Variants in NDRG3 observed in about 807,000 individuals in gnomAD.
The protein encoded by NDRG3 is protein NDRG3.
A neutral mutation model predicts 57.2 loss-of-function variants in NDRG3; 23 were observed. The ratio of observed to expected loss-of-function variants is 0.40; its 90% CI spans 0.29 to 0.57. The LOEUF (loss-of-function observed/expected upper bound fraction) is 0.57. Among genes scored for constraint, NDRG3 ranks in the 20% least tolerant of loss-of-function variants. NDRG3 has a pLI of 0.42. For missense variants in NDRG3, 384 were observed against 457.3 expected (o/e 0.84, Z 1.46); for synonymous variants, 132 against 162.6 (o/e 0.81, Z 1.43).
intron 3 of NDRG3, among the ~76,000 whole-genome samples, chr20:36,691,978 AAC>A (rs1164843818): frequency 6.6e-6 from 1 of 152,216 alleles, no homozygotes; most frequent in Admixed American, 6.5e-5. Flanking sequence ...GCACACAATA[AAC>A]ACAGAAACAA....
At chr20:36,669,976 G>A (rs1980007455) in intron 9 of NDRG3, among the ~76,000 whole-genome samples, 1 of 152,196 alleles carries the variant, frequency 6.6e-6, no homozygotes, top group Non-Finnish European at 1.5e-5. Context: ...CACATGGAAT[G>A]ACATGGATGA....
At chr20:36,735,439 C>G (rs1366414629) in intron 1 of NDRG3, among the ~76,000 whole-genome samples, 2 of 152,154 alleles carry the variant, frequency 1.3e-5, no homozygotes, top group Non-Finnish European at 2.9e-5. Flanking sequence ...GATACTCAAC[C>G]TGTATTTCCA....
At chr20:36,723,227 C>T (rs914422771) in intron 1 of NDRG3, among the ~76,000 whole-genome samples, 1 of 152,110 alleles carries the variant, frequency 6.6e-6, no homozygotes, top group South Asian at 2.1e-4. Context: ...AGAACTAATA[C>T]ATAGGGAGAG....
In NDRG3 at chr20:36,713,183, G is replaced by C. The variant is rs1984024432; in HGVS notation, c.58-6176C>G. On this transcript the variant is annotated intron_variant, in intron 2 of 15. Transcript: ENST00000349004. ...CTTAAGCAGCAGAAAGGGATTCAAG[G>C]AAAAAATTAAAACAACAGAATAATT... 2.0e-5 allele frequency among the ~76,000 whole-genome samples: 3 copies of C among 151,928 alleles called. No individual in the cohort carries two copies. In the South Asian group the frequency reaches 6.2e-4, roughly 32 times the overall value.
intron 1 of NDRG3, among the ~76,000 whole-genome samples, chr20:36,736,127 G>A (rs1985599094): frequency 6.6e-6 from 1 of 152,120 alleles, no homozygotes; most frequent in African/African-American, 2.4e-5. Context: ...TTTCTGAGGA[G>A]CAGAATGACA....
intron 1 of NDRG3, among the ~76,000 whole-genome samples, chr20:36,733,171 A>AAAAT (rs1555807709): frequency 5.7e-4 from 19 of 33,210 alleles, no homozygotes; most frequent in South Asian, 1.2e-3. Flanking sequence ...AAAAAAAAAA[A>AAAAT]ATATATATAT....
At chr20:36,688,619 G>T in intron 4 of NDRG3, 60 bp downstream of exon 4, 1 of 1,273,054 alleles carries the variant, frequency 7.9e-7, no homozygotes, top group Non-Finnish European at 1.1e-6. Context: ...TTGTTGTTTG[G>T]TTTTTAACAT....
At chr20:36,740,535 C>T (rs1985877882) in intron 1 of NDRG3, among the ~76,000 whole-genome samples, 1 of 152,178 alleles carries the variant, frequency 6.6e-6, no homozygotes, top group South Asian at 2.1e-4. Flanking sequence ...TTAGTAGAGA[C>T]AGTTTGCCAT....
rs1417665448 is a variant in NDRG3, at chr20:36,721,745, T to C, written c.-10A>G. ...CCTGAAGTTCATCCATGAGGTCAGA[T>C]AACGAGAGTAGAGGAATCTCAAGAA... On this transcript the variant is annotated 5_prime_UTR_variant, in exon 2 of 16. Transcript: ENST00000349004. The C allele has an allele frequency of 2.5e-6, 4 of 1,595,526 alleles. No individual in the cohort carries two copies. The highest frequency in any genetic ancestry group is 3.4e-6 in the Non-Finnish European group (4 of 1,164,426).
intron 3 of NDRG3, among the ~76,000 whole-genome samples, chr20:36,696,795 C>T (rs935098922): frequency 3.9e-5 from 6 of 152,096 alleles, no homozygotes; most frequent in Non-Finnish European, 7.4e-5. Context: ...CCGGCCGCCT[C>T]TGGCCTTTTC....
At chr20:36,712,723 G>A (rs182038136) in intron 2 of NDRG3, among the ~76,000 whole-genome samples, 1 of 147,352 alleles carries the variant, frequency 6.8e-6, no homozygotes, top group Non-Finnish European at 1.5e-5. Context: ...AGCCTCCAGA[G>A]TAGCTGGGAT....
chr20:36,716,511 C>T (rs1984285906), intron 2 of NDRG3, among the ~76,000 whole-genome samples: 6 of 136,662 alleles, frequency 4.4e-5, no homozygotes, highest in African/African-American at 1.6e-4. Flanking sequence ...CCAGCCTGGG[C>T]AACAGAGCGA....
chr20:36,657,212 C>T (rs566127758), intron 13 of NDRG3, among the ~76,000 whole-genome samples: 328 of 152,192 alleles, frequency 2.2e-3, no homozygotes, highest in African/African-American at 7.6e-3. Context: ...TCTGGCCGCG[C>T]GCAGTGGCTC....
At chr20:36,738,998 C>T (rs561471530) in intron 1 of NDRG3, among the ~76,000 whole-genome samples, 1 of 149,886 alleles carries the variant, frequency 6.7e-6, no homozygotes, top group Non-Finnish European at 1.5e-5. Flanking sequence ...ATGGCATGCA[C>T]CTGTAATCCC....
At position 36,706,905 on chromosome 20, in the gene NDRG3, C is replaced by T. The variant is rs1006123167; in HGVS notation, c.93+67G>A. 2.0e-5 allele frequency: 27 copies of T among 1,371,946 alleles called. 1 individual carries two copies. The South Asian group carries it at 2.5e-4, about 13-fold the overall frequency. 85.0% of individuals were successfully genotyped at this position (1,371,946 alleles called of 1,614,324 possible). A position where few individuals can be genotyped will look rare whatever the true frequency, so the allele number is the denominator to read the frequency against. ...GAGAGATCCACTTCTACAAGACCAC[C>T]ACCACAGGAAAGGAAACACTGCAGA... On this transcript the variant is annotated intron_variant, in intron 3 of 15. Transcript: ENST00000349004.
chr20:36,711,236 G>A (rs937156372), intron 2 of NDRG3, among the ~76,000 whole-genome samples: 13 of 150,750 alleles, frequency 8.6e-5, no homozygotes, highest in East Asian at 2.0e-4. Context: ...CAGAGATCAC[G>A]CCACTGCACT....
At chr20:36,711,379 A>G (rs903649014) in intron 2 of NDRG3, among the ~76,000 whole-genome samples, 4 of 152,166 alleles carry the variant, frequency 2.6e-5, no homozygotes, top group Non-Finnish European at 4.4e-5. Context: ...GCCTAAACAG[A>G]CCATATTAGG....
At chr20:36,677,028 GAT>G (rs1027392228) in intron 8 of NDRG3, among the ~76,000 whole-genome samples, 1 of 152,238 alleles carries the variant, frequency 6.6e-6, no homozygotes, top group Admixed American at 6.5e-5. Flanking sequence ...GAACAGGCAG[GAT>G]TTGCCTTCCC....
chr20:36,740,553 A>C (rs1228927733), intron 1 of NDRG3, among the ~76,000 whole-genome samples: 1 of 152,216 alleles, frequency 6.6e-6, no homozygotes, highest in Non-Finnish European at 1.5e-5. Flanking sequence ...CATGTTGGCC[A>C]GGCTAGTCTC....
Sources: allele counts gnomAD v4.1 joint callset (sites outside exome capture counted in the v4.1 genomes callset), GRCh38; gene constraint gnomAD v4.1.1; transcripts MANE v1.5; gene names NCBI Gene and HGNC (gene_info 2026-07-23, HGNC 2026-07-21).